STRN: variants seen among roughly 807,000 people sequenced by gnomAD.
The protein encoded by STRN is striatin.
In STRN, 53 loss-of-function variants were observed where a neutral mutation model predicts 96.3. The ratio of observed to expected loss-of-function variants is 0.55; its 90% confidence interval spans 0.44 to 0.69. The LOEUF is 0.69. STRN is among the 30% of genes least tolerant of loss of function. The pLI is 0.00. For synonymous variants in STRN, 428 were observed against 355.9 expected (o/e 1.20, Z -2.28); for missense variants, 987 against 963.9 (o/e 1.02, Z -0.32).
intron 1 of STRN, among the ~76,000 whole-genome samples, chr2:36,944,217 G>A (rs1179650326): frequency 5.9e-5 from 9 of 152,140 alleles, no homozygotes; most frequent in Admixed American, 5.9e-4. Flanking sequence ...TTATTAAGTT[G>A]TTTTTCTCTT....
intron 7 of STRN, among the ~76,000 whole-genome samples, chr2:36,890,027 T>A (rs937462301): frequency 3.3e-5 from 5 of 152,164 alleles, no homozygotes; most frequent in African/African-American, 1.2e-4. Flanking sequence ...GAAAAACCAA[T>A]CTCCGGTACC....
At chr2:36,943,244 T>A (rs1166647527) in intron 1 of STRN, among the ~76,000 whole-genome samples, 2 of 152,036 alleles carry the variant, frequency 1.3e-5, no homozygotes, top group Non-Finnish European at 2.9e-5. Flanking sequence ...CACCTCTTTA[T>A]CCTCATCCCA....
intron 10 of STRN, 128 bp from the exon 11 acceptor site, chr2:36,869,857 AT>A: frequency 1.4e-6 from 1 of 730,558 alleles, no homozygotes; most frequent in Non-Finnish European, 1.9e-6. Flanking sequence ...AAACAATATA[AT>A]TTTTATATGT....
intron 1 of STRN, among the ~76,000 whole-genome samples, chr2:36,949,278 A>G (rs1364061398): frequency 6.6e-6 from 1 of 152,256 alleles, no homozygotes; most frequent in Admixed American, 6.5e-5. Context: ...CACAACAATG[A>G]AATTGTCTCG....
At chr2:36,865,034 G>C (rs1314075638) in intron 12 of STRN, among the ~76,000 whole-genome samples, 3 of 152,150 alleles carry the variant, frequency 2.0e-5, no homozygotes, top group Non-Finnish European at 2.9e-5. Context: ...CAATTTTCTG[G>C]AATAGTTTTA....
Position 36,843,300 on chromosome 2 carries a change from G to C in STRN, c.*6156C>G, listed in dbSNP as rs1667991820. On this transcript the variant is annotated 3_prime_UTR_variant, in exon 18 of 18. Coordinates refer to ENST00000263918, the MANE Select transcript of STRN (RefSeq NM_003162.4). ...CATATTGTATTGTGGATCCTGATTG[G>C]AACAAAAAGACTGTGAGTTCTGGGC... Among the ~76,000 whole-genome samples the C allele has an allele frequency of 2.0e-5, 3 of 152,180 alleles. No homozygotes were observed. The South Asian group carries it at 6.2e-4, about 32-fold the overall frequency.
At position 36,849,374 on chromosome 2, in the gene STRN, T is replaced by A; in HGVS notation, c.*82A>T. The A allele has an allele frequency of 1.3e-6, 2 of 1,488,434 alleles. No homozygotes were observed. The highest frequency in any genetic ancestry group is 1.8e-6 in the Non-Finnish European group (2 of 1,090,368). The allele number at this position is 1,488,434 out of a possible 1,614,324, so 92.2% of individuals were successfully genotyped here. On this transcript the variant is annotated 3_prime_UTR_variant, in exon 18 of 18. Coordinates refer to ENST00000263918, the MANE Select transcript of STRN (RefSeq NM_003162.4). ...AGCAGAACAAAAGGGCAGGACGAGA[T>A]GATTCTTGCCCTCGTCTTCTGTATC... is the stretch of plus-strand genomic sequence containing the variant.
At chr2:36,906,513 T>A (rs920563776) in intron 3 of STRN, among the ~76,000 whole-genome samples, 2 of 147,102 alleles carry the variant, frequency 1.4e-5, no homozygotes, top group African/African-American at 4.9e-5. Flanking sequence ...AATAATTTTT[T>A]TAAAAAAAGA....
At chr2:36,958,140 G>C (rs1436208555) in intron 1 of STRN, among the ~76,000 whole-genome samples, 1 of 151,702 alleles carries the variant, frequency 6.6e-6, no homozygotes, top group Non-Finnish European at 1.5e-5. Context: ...AGCTGGTCTT[G>C]AACTCCGGAC....
chr2:36,851,055 C>A lies in STRN; in HGVS notation c.2031G>T (p.Pro677=), dbSNP rs373121939. 1.9e-6 allele frequency: 3 copies of A among 1,612,770 alleles called. No homozygotes were observed. Among genetic ancestry groups the A allele is most frequent in the Non-Finnish European group, 2.5e-6 (3 of 1,179,604 alleles). Residue 677 remains proline, a synonymous_variant, in exon 16 of 18, where the codon CCG becomes CCT. Coordinates refer to ENST00000263918, the MANE Select transcript of STRN (RefSeq NM_003162.4). ...INRVISHPTL[P]ISITAHEDRH... ...TGTCTTCATGAGCAGTGATGCTGAT[C>A]GGAAGAGTAGGATGACTGATGACTC... is the stretch of plus-strand genomic sequence containing the variant.
At chr2:36,916,890 A>C (rs1434628111) in intron 2 of STRN, among the ~76,000 whole-genome samples, 1 of 152,122 alleles carries the variant, frequency 6.6e-6, no homozygotes, top group Non-Finnish European at 1.5e-5. Context: ...CAGATAATGT[A>C]GAAATTTTTA....
chr2:36,850,667 A>C (rs1389943154), intron 16 of STRN, among the ~76,000 whole-genome samples: 1 of 152,210 alleles, frequency 6.6e-6, no homozygotes, highest in Non-Finnish European at 1.5e-5. Context: ...ACTTTTCCCC[A>C]ATATATAATA....
rs1667866503 is a variant in STRN, at chr2:36,838,268, C to G, written c.*11188G>C. Among the ~76,000 whole-genome samples, 1 of 152,202 alleles carries G rather than the reference C, an allele frequency of 6.6e-6. No homozygotes were observed. Among genetic ancestry groups the G allele is most frequent in the Non-Finnish European group, 1.5e-5 (1 of 68,032 alleles). ...GGAGACAGGGACCTCCATCCTCTGA[C>G]TTTAATGAGGCTGGAAGCGAATTCC... On this transcript the variant is annotated 3_prime_UTR_variant, in exon 18 of 18. Transcript: ENST00000263918.
chr2:36,862,542 GTCT>G lies in STRN; in HGVS notation c.1548-1292_1548-1290del, dbSNP rs199789318. Among the ~76,000 whole-genome samples the G allele has an allele frequency of 7.3e-3, 1,110 of 152,230 alleles. 16 individuals are homozygous for G. Among genetic ancestry groups the G allele is most frequent in the African/African-American group, 0.025 (1,019 of 41,526 alleles). On this transcript the variant is annotated intron_variant, in intron 12 of 17. Transcript: ENST00000263918. ...TTTCCTGTCTGTTGGCCACATGTAT[GTCT>G]TCTTCTGGAAACTATCTGTTCATGT...
rs374125974 is a variant in STRN, at chr2:36,937,526, G to A, written c.235-12318C>T. On this transcript the variant is annotated intron_variant, in intron 1 of 17. Coordinates refer to ENST00000263918, the MANE Select transcript of STRN (RefSeq NM_003162.4). ...TCTACAAAAAACTAAATAACTTAGC[G>A]GAGCATGGTGGTGCACACCTGTAGT... Among the ~76,000 whole-genome samples the A allele has an allele frequency of 2.8e-4, 43 of 151,830 alleles. No individual in the cohort carries two copies. In the South Asian group the frequency reaches 8.1e-3, roughly 29 times the overall value.
chr2:36,908,478 G>C (rs1395747538), intron 3 of STRN, among the ~76,000 whole-genome samples: 2 of 152,258 alleles, frequency 1.3e-5, no homozygotes, highest in Middle Eastern at 3.4e-3. Flanking sequence ...TTCTAGAAAA[G>C]GCAAAACTAC....
At chr2:36,904,910 T>C (rs571082408) in intron 4 of STRN, among the ~76,000 whole-genome samples, 4 of 152,242 alleles carry the variant, frequency 2.6e-5, no homozygotes, top group African/African-American at 9.6e-5. Context: ...ATTCAAAAAG[T>C]TCTCCAATTA....
chr2:36,929,909 TTTTGA>T (rs1282603503), intron 1 of STRN, among the ~76,000 whole-genome samples: 5 of 152,234 alleles, frequency 3.3e-5, no homozygotes. Context: ...GGTTCTCATC[TTTTGA>T]TTTGAACACA....
chr2:36,847,419 CCTT>C lies in STRN; in HGVS notation c.*2034_*2036del, dbSNP rs773764580. The C allele has an allele frequency of 6.6e-6, 1 of 152,096 alleles. No individual in the cohort carries two copies. Among genetic ancestry groups the C allele is most frequent in the Non-Finnish European group, 1.5e-5 (1 of 68,012 alleles). The allele number at this position is 152,096 out of a possible 1,614,324, so 9.4% of individuals were successfully genotyped here. ...CTTCCTGGAAGGAATTTTCCAGTAT[CCTT>C]CTACAAATGTTAGGTTAGAAACATT... On this transcript the variant is annotated 3_prime_UTR_variant, in exon 18 of 18. Coordinates refer to ENST00000263918, the MANE Select transcript of STRN (RefSeq NM_003162.4).
Sources: allele counts gnomAD v4.1 joint callset (sites outside exome capture counted in the v4.1 genomes callset), GRCh38; gene constraint gnomAD v4.1.1; transcripts MANE v1.5; gene names NCBI Gene and HGNC (gene_info 2026-07-23, HGNC 2026-07-21).